UBA6: variants seen among roughly 807,000 people sequenced by gnomAD.
UBA6 encodes ubiquitin like modifier activating enzyme 6, also known as ubiquitin-like modifier-activating enzyme 6.
A neutral mutation model predicts 148.3 loss-of-function variants in UBA6; 87 were observed. The ratio of observed to expected loss-of-function variants is 0.59; its 90% CI spans 0.49 to 0.70. The LOEUF (loss-of-function observed/expected upper bound fraction) is 0.70. Ranked by LOEUF, UBA6 falls within the 30% of genes least tolerant of loss-of-function variation. The pLI, the probability that UBA6 is intolerant of heterozygous loss-of-function variation, is 0.00. For synonymous variants in UBA6, 376 were observed against 401.0 expected (o/e 0.94, Z 0.75); for missense variants, 1,186 against 1,241.2 (o/e 0.96, Z 0.67).
chr4:67,674,955 T>G (rs1412469117), intron 6 of UBA6, among the ~76,000 whole-genome samples: 1 of 152,140 alleles, frequency 6.6e-6, no homozygotes, highest in Non-Finnish European at 1.5e-5. Context: ...AAACAACCTC[T>G]GCCTCCCAGG....
chr4:67,685,337 A>G (rs577554892), intron 2 of UBA6, among the ~76,000 whole-genome samples: 2 of 152,286 alleles, frequency 1.3e-5, no homozygotes, highest in South Asian at 4.1e-4. Flanking sequence ...AAAAAACCCC[A>G]GTGGTTTTCT....
intron 17 of UBA6, among the ~76,000 whole-genome samples, chr4:67,641,985 T>C (rs1377499706): frequency 6.6e-6 from 1 of 151,946 alleles, no homozygotes; most frequent in Non-Finnish European, 1.5e-5. Flanking sequence ...TCCGACTATA[T>C]TCCACATTCA....
intron 13 of UBA6, among the ~76,000 whole-genome samples, chr4:67,649,974 AAG>A (rs1267660573): frequency 6.6e-6 from 1 of 152,146 alleles, no homozygotes; most frequent in Non-Finnish European, 1.5e-5. Context: ...GAGGACAGAG[AAG>A]AGTTTTTATT....
At chr4:67,689,077 C>T (rs1206270806) in intron 2 of UBA6, among the ~76,000 whole-genome samples, 1 of 152,008 alleles carries the variant, frequency 6.6e-6, no homozygotes, top group East Asian at 1.9e-4. Context: ...CCCATACAAC[C>T]GTTCTGATTT....
rs112137771 is a variant in UBA6, at chr4:67,699,500, T to C, written c.71+1549A>G. ...CCAATTACCAAGGCAAATCAGAAGA[T>C]AGCTGTGTTCTAAGAGATCACCTAC... On this transcript the variant is annotated intron_variant, in intron 1 of 32. Coordinates refer to ENST00000322244, the MANE Select transcript of UBA6 (RefSeq NM_018227.6). 3.9e-5 allele frequency among the ~76,000 whole-genome samples: 6 copies of C among 152,316 alleles called. 2 individuals carry two copies. Among genetic ancestry groups the C allele is most frequent in the African/African-American group, 1.4e-4 (6 of 41,560 alleles).
intron 21 of UBA6, 23 bp downstream of exon 21, chr4:67,634,406 T>C: frequency 6.4e-7 from 1 of 1,562,932 alleles, no homozygotes. Flanking sequence ...TCAAAGAAAA[T>C]AAATTTAAAA....
At chr4:67,640,197 C>A (rs1458794295) in intron 18 of UBA6, among the ~76,000 whole-genome samples, 1 of 152,106 alleles carries the variant, frequency 6.6e-6, no homozygotes, top group Non-Finnish European at 1.5e-5. Context: ...ACAAACAAAT[C>A]AAAACTTTGT....
chr4:67,676,259 G>A (rs961749773), intron 6 of UBA6, among the ~76,000 whole-genome samples: 1 of 152,018 alleles, frequency 6.6e-6, no homozygotes, highest in African/African-American at 2.4e-5. Context: ...CCTGACCTTA[G>A]GTGATCCGCC....
intron 4 of UBA6, among the ~76,000 whole-genome samples, chr4:67,680,135 T>C (rs1230848935): frequency 6.6e-6 from 1 of 152,164 alleles, no homozygotes; most frequent in Non-Finnish European, 1.5e-5. Flanking sequence ...ATTTTGTAAA[T>C]GTACAATCCA....
At position 67,644,686 on chromosome 4, in the gene UBA6, T is replaced by TTGA. The variant is rs778343572; in HGVS notation, c.1476+9_1476+11dup. 1.3e-6 allele frequency: 2 copies of TTGA among 1,504,252 alleles called. No homozygotes were observed. The highest frequency in any genetic ancestry group is 4.5e-5 in the East Asian group (2 of 44,288). The allele number at this position is 1,504,252 out of a possible 1,614,324, so 93.2% of individuals were successfully genotyped here. A position where few individuals can be genotyped will look rare whatever the true frequency, so the allele number is the denominator to read the frequency against. On this transcript the variant is annotated intron_variant, in intron 17 of 32. Transcript: ENST00000322244. ...AATATAAACTTTTAACTCTCAAGAA[T>TTGA]TGATATCTTACCATTCCTTTCTCTT... is the stretch of plus-strand genomic sequence containing the variant.
chr4:67,696,539 AC>A, intron 2 of UBA6, 105 bp downstream of exon 2: 1 of 793,202 alleles, frequency 1.3e-6, no homozygotes, highest in Non-Finnish European at 2.1e-6. Context: ...ACACACACAC[AC>A]ACATATAATT....
At chr4:67,648,102 T>C (rs1729464281) in intron 14 of UBA6, among the ~76,000 whole-genome samples, 1 of 151,902 alleles carries the variant, frequency 6.6e-6, no homozygotes, top group Non-Finnish European at 1.5e-5. Context: ...AGATTTTTAC[T>C]AATGTACTTG....
At chr4:67,627,011 T>G (rs1053107566) in intron 27 of UBA6, among the ~76,000 whole-genome samples, 2 of 151,968 alleles carry the variant, frequency 1.3e-5, no homozygotes, top group African/African-American at 4.8e-5. Flanking sequence ...AAATATTCAC[T>G]GACTGCTGTT....
At chr4:67,692,914 C>T (rs770153512) in intron 2 of UBA6, among the ~76,000 whole-genome samples, 2 of 152,154 alleles carry the variant, frequency 1.3e-5, no homozygotes, top group Non-Finnish European at 2.9e-5. Flanking sequence ...CAGAAGGGTT[C>T]CGACGATTCA....
At chr4:67,624,073 A>G in intron 30 of UBA6, 53 bp downstream of exon 30, 1 of 1,418,666 alleles carries the variant, frequency 7.0e-7, no homozygotes, top group Non-Finnish European at 9.4e-7. Flanking sequence ...TTTAAAAGGT[A>G]AAATATTTTA....
chr4:67,673,448 T>C (rs1333380349), intron 7 of UBA6, among the ~76,000 whole-genome samples: 3 of 151,000 alleles, frequency 2.0e-5, no homozygotes, highest in Non-Finnish European at 1.5e-5. Context: ...AATTAGATGA[T>C]GATTTCAATG....
chr4:67,699,998 G>A (rs936681847), intron 1 of UBA6, among the ~76,000 whole-genome samples: 18 of 152,126 alleles, frequency 1.2e-4, no homozygotes, highest in African/African-American at 4.3e-4. Flanking sequence ...AGGCCTGGTG[G>A]GTAAATCTGA....
At chr4:67,687,224 G>A (rs553881798) in intron 2 of UBA6, among the ~76,000 whole-genome samples, 2 of 151,350 alleles carry the variant, frequency 1.3e-5, no homozygotes, top group African/African-American at 2.4e-5. Flanking sequence ...TTAGTAGAGA[G>A]GGGGTTTCAC....
At chr4:67,651,900 T>C (rs561319289) in intron 13 of UBA6, among the ~76,000 whole-genome samples, 3 of 152,310 alleles carry the variant, frequency 2.0e-5, no homozygotes, top group African/African-American at 7.2e-5. Context: ...TTAACTTTCA[T>C]CTATACTTTG....
Sources: allele counts gnomAD v4.1 joint callset (sites outside exome capture counted in the v4.1 genomes callset), GRCh38; gene constraint gnomAD v4.1.1; transcripts MANE v1.5; gene names NCBI Gene and HGNC (gene_info 2026-07-23, HGNC 2026-07-21).